Variants in BICD1 observed in about 807,000 individuals in gnomAD.
The protein encoded by BICD1 is BICD cargo adaptor 1, also known as protein bicaudal D homolog 1.
Under a neutral mutation model 92.5 loss-of-function variants are expected in BICD1, and 35 were observed. The observed-to-expected ratio is 0.38, with a 90% CI of 0.29 to 0.50. The LOEUF (loss-of-function observed/expected upper bound fraction) is 0.50, where lower values mean the gene tolerates loss of function less well. Ranked by LOEUF, BICD1 falls within the 20% of genes least tolerant of loss-of-function variation. The pLI is 0.93. For missense variants in BICD1, 950 were observed against 1,189.8 expected, an observed-to-expected ratio of 0.80 and a Z score of 2.97; for synonymous variants, 429 against 465.1, an observed-to-expected ratio of 0.92 and a Z score of 1.00.
At chr12:32,307,086 A>G (rs1005145586) in intron 4 of BICD1, among the ~76,000 whole-genome samples, 1 of 152,190 alleles carries the variant, frequency 6.6e-6, no homozygotes, top group African/African-American at 2.4e-5. Flanking sequence ...AGAATTCAAA[A>G]GCTTTATATA....
chr12:32,292,550 A>G (rs1947753356), intron 2 of BICD1, among the ~76,000 whole-genome samples: 1 of 152,172 alleles, frequency 6.6e-6, no homozygotes, highest in South Asian at 2.1e-4. Context: ...AGTCTTTTGC[A>G]TCTGGCTTAT....
chr12:32,117,591 G>A (rs1941961666), intron 1 of BICD1, among the ~76,000 whole-genome samples: 1 of 151,612 alleles, frequency 6.6e-6, no homozygotes, highest in Admixed American at 6.6e-5. Flanking sequence ...GTTGCATTGA[G>A]GGAGGTCTAC....
intron 2 of BICD1, among the ~76,000 whole-genome samples, chr12:32,255,310 T>G (rs1946686575): frequency 6.6e-6 from 1 of 152,038 alleles, no homozygotes; most frequent in Non-Finnish European, 1.5e-5. Context: ...TATCTCCAAT[T>G]ACCATCACAT....
At chr12:32,199,314 C>T (rs886628024) in intron 1 of BICD1, among the ~76,000 whole-genome samples, 6 of 152,150 alleles carry the variant, frequency 3.9e-5, no homozygotes, top group African/African-American at 1.4e-4. Context: ...TGTATGGCAA[C>T]TCCATGGTCA....
rs1332633876 is a variant in BICD1 at position 32,346,581 on chromosome 12, T to C, written c.2764+7602T>C. Among the ~76,000 whole-genome samples the C allele has an allele frequency of 2.6e-3, 39 of 14,742 alleles. 5 individuals are homozygous for C. The highest frequency in any genetic ancestry group is 0.014 in the African/African-American group (33 of 2,362). 9.7% of individuals were successfully genotyped at this position (14,742 alleles called of 152,430 possible). ...ATATATATATATATATATATATATATACGTGTATATATATATATATATATA... is the reference window on the plus strand; with the variant it reads ...ATATATATATATATATATATATATACACGTGTATATATATATATATATATA... On this transcript the variant is annotated intron_variant, in intron 8 of 9. Coordinates refer to ENST00000652176, the MANE Select transcript of BICD1 (RefSeq NM_001714.4).
Position 32,166,142 on chromosome 12 carries a change from A to ATTTATTT in BICD1, c.214-50101_214-50095dup, listed in dbSNP as rs1441609430. Among the ~76,000 whole-genome samples the ATTTATTT allele has an allele frequency of 5.5e-5, 8 of 145,882 alleles. No individual in the cohort carries two copies. In the East Asian group the frequency reaches 1.4e-3, roughly 25 times the overall value. ...TATTTATTTATTTATTTATTTATTT[A>ATTTATTT]TTTATTTTTTGGAGCCAGCGTTTCG... On this transcript the variant is annotated intron_variant, in intron 1 of 9. Coordinates refer to ENST00000652176, the MANE Select transcript of BICD1 (RefSeq NM_001714.4).
intron 2 of BICD1, among the ~76,000 whole-genome samples, chr12:32,271,802 G>T (rs1947148218): frequency 1.3e-5 from 2 of 152,116 alleles, no homozygotes; most frequent in Admixed American, 6.5e-5. Flanking sequence ...AATTTTCAGA[G>T]AATTCTTCAT....
intron 4 of BICD1, among the ~76,000 whole-genome samples, chr12:32,311,531 G>A (rs560493018): frequency 6.6e-6 from 1 of 152,228 alleles, no homozygotes; most frequent in South Asian, 2.1e-4. Flanking sequence ...ACATTGGTTT[G>A]GTTCAGAAAG....
At chr12:32,243,275 T>G (rs1242721579) in intron 2 of BICD1, among the ~76,000 whole-genome samples, 1 of 135,874 alleles carries the variant, frequency 7.4e-6, no homozygotes, top group African/African-American at 2.8e-5. Context: ...TTTTTTTTTT[T>G]TTTTTTTTTT....
At chr12:32,234,323 C>T (rs1945993628) in intron 2 of BICD1, among the ~76,000 whole-genome samples, 1 of 152,004 alleles carries the variant, frequency 6.6e-6, no homozygotes. Context: ...TTAGGCAGGG[C>T]GTGGTGGCTC....
chr12:32,114,349 G>A (rs562294990), intron 1 of BICD1, among the ~76,000 whole-genome samples: 6 of 152,146 alleles, frequency 3.9e-5, no homozygotes, highest in Non-Finnish European at 7.4e-5. Flanking sequence ...CTGGGGAAGC[G>A]TACATTGCAT....
rs550146500 is a variant in BICD1 at position 32,235,514 on chromosome 12, T to G, written c.426+19055T>G. Reference sequence around the variant, plus strand: ...CACAAAATTAAACACAGGCATACTGTGTCTTACTGTGCTTTGCTTTCTTGC... The same window carrying G: ...CACAAAATTAAACACAGGCATACTGGGTCTTACTGTGCTTTGCTTTCTTGC... On this transcript the variant is annotated intron_variant, in intron 2 of 9. Transcript: ENST00000652176. 3.4e-4 allele frequency among the ~76,000 whole-genome samples: 52 copies of G among 151,798 alleles called. No homozygotes were observed. The South Asian group carries it at 0.011, about 31-fold the overall frequency.
chr12:32,142,254 A>C (rs931958371), intron 1 of BICD1, among the ~76,000 whole-genome samples: 1 of 151,880 alleles, frequency 6.6e-6, no homozygotes, highest in Admixed American at 6.6e-5. Flanking sequence ...AAAAATACAA[A>C]AATTAGCCAG....
intron 9 of BICD1, among the ~76,000 whole-genome samples, chr12:32,374,568 C>CT (rs146526015): frequency 0.34 from 42,736 of 124,798 alleles, 7,908 homozygotes; most frequent in East Asian, 0.41. Flanking sequence ...TTTCTTTCTT[C>CT]TTTTTTTTTT....
chr12:32,137,074 T>TTTG (rs977808498), intron 1 of BICD1, among the ~76,000 whole-genome samples: 5 of 152,110 alleles, frequency 3.3e-5, no homozygotes, highest in African/African-American at 7.2e-5. Flanking sequence ...GTTAGGTTTT[T>TTTG]TTGTTGTTGT....
chr12:32,333,648 T>C (rs997917117), intron 5 of BICD1, among the ~76,000 whole-genome samples: 1 of 152,226 alleles, frequency 6.6e-6, no homozygotes, highest in Admixed American at 6.5e-5. Flanking sequence ...GTAAAAATCA[T>C]GTGTTCCCAG....
At chr12:32,225,625 T>TTTTTTTTTTTTTG (rs1945662147) in intron 2 of BICD1, among the ~76,000 whole-genome samples, 1 of 118,472 alleles carries the variant, frequency 8.4e-6, no homozygotes, top group Non-Finnish European at 1.6e-5. Flanking sequence ...TTTTCTGTTT[T>TTTTTTTTTTTTTG]TTTTTTTTTT....
intron 4 of BICD1, among the ~76,000 whole-genome samples, chr12:32,325,697 T>C (rs1186133270): frequency 2.0e-5 from 3 of 152,106 alleles, no homozygotes; most frequent in Non-Finnish European, 2.9e-5. Flanking sequence ...TAATATTTAT[T>C]ATATCTAATT....
intron 7 of BICD1, 84 bp from the exon 8 acceptor site, chr12:32,338,702 T>G: frequency 1.8e-6 from 2 of 1,124,904 alleles, no homozygotes; most frequent in Non-Finnish European, 2.5e-6. Flanking sequence ...GTATAAATAA[T>G]GTTGTCACTG....
Sources: allele counts gnomAD v4.1 joint callset (sites outside exome capture counted in the v4.1 genomes callset), GRCh38; gene constraint gnomAD v4.1.1; transcripts MANE v1.5; gene names NCBI Gene and HGNC (gene_info 2026-07-23, HGNC 2026-07-21).